The following JAZF1 variants were observed in gnomAD, a reference collection of about 807,000 sequenced individuals.
JAZF1 encodes juxtaposed with another zinc finger protein 1.
JAZF1 carries 8 observed loss-of-function variants against 26.4 expected under a neutral mutation model. The observed-to-expected ratio is 0.30, with a 90% CI of 0.18 to 0.55. The LOEUF is 0.55. JAZF1 is among the 20% of genes least tolerant of loss of function. The probability of loss-of-function intolerance (pLI) is 0.94; values close to 1 mark genes in which losing one functional copy is unlikely to be tolerated. For synonymous variants in JAZF1, 126 were observed against 122.3 expected (o/e 1.03, Z -0.20); for missense variants, 199 against 322.0 (o/e 0.62, Z 2.92).
At chr7:28,070,744 C>T (rs2127910104) in intron 1 of JAZF1, among the ~76,000 whole-genome samples, 1 of 152,316 alleles carries the variant, frequency 6.6e-6, no homozygotes, top group African/African-American at 2.4e-5. Flanking sequence ...AGTGTGAAGG[C>T]AACAGAAAGG....
At chr7:28,020,772 T>C (rs1045091862) in intron 1 of JAZF1, 7 of 459,724 alleles carry the variant, frequency 1.5e-5, no homozygotes, top group Admixed American at 2.4e-5. Flanking sequence ...TGGCTGAGCA[T>C]CTCTTCTCCA....
chr7:28,027,814 CA>C (rs1408819030), intron 1 of JAZF1, among the ~76,000 whole-genome samples: 1 of 152,186 alleles, frequency 6.6e-6, no homozygotes, highest in Non-Finnish European at 1.5e-5. Flanking sequence ...TATGTACCAT[CA>C]AAAAGTAGCT....
Position 28,096,638 on chromosome 7 carries a change from T to C in JAZF1, c.115+83825A>G, listed in dbSNP as rs113040438. Among the ~76,000 whole-genome samples, 883 of 152,362 alleles carry C rather than the reference T, an allele frequency of 5.8e-3. 3 individuals carry two copies. Among genetic ancestry groups the C allele is most frequent in the Non-Finnish European group, 9.1e-3 (620 of 68,028 alleles). On this transcript the variant is annotated intron_variant, in intron 1 of 4. Transcript: ENST00000283928. ...GCTCAAATCTGTTCTGAACAATTTATCTTCTTACTACAAGATGGCCAATAA... is the reference window on the plus strand; with the variant it reads ...GCTCAAATCTGTTCTGAACAATTTACCTTCTTACTACAAGATGGCCAATAA...
intron 1 of JAZF1, among the ~76,000 whole-genome samples, chr7:28,103,054 G>A (rs982845879): frequency 2.6e-5 from 4 of 152,146 alleles, no homozygotes; most frequent in African/African-American, 9.7e-5. Flanking sequence ...TTTTGCCCCA[G>A]TGGCAACACT....
At chr7:27,989,674 CAT>C (rs1000058820) in intron 2 of JAZF1, among the ~76,000 whole-genome samples, 1 of 152,154 alleles carries the variant, frequency 6.6e-6, no homozygotes, top group African/African-American at 2.4e-5. Flanking sequence ...CCAACAGACA[CAT>C]GAAAAAATGC....
chr7:27,975,164 C>T (rs1440719668), intron 2 of JAZF1, among the ~76,000 whole-genome samples: 2 of 152,070 alleles, frequency 1.3e-5, no homozygotes, highest in Non-Finnish European at 2.9e-5. Flanking sequence ...GGATTACAGG[C>T]GTGAGTCACC....
At chr7:28,084,227 T>C (rs1784180064) in intron 1 of JAZF1, among the ~76,000 whole-genome samples, 2 of 152,162 alleles carry the variant, frequency 1.3e-5, no homozygotes, top group African/African-American at 4.8e-5. Context: ...CCCAGTATCA[T>C]TGTGGGTTTA....
chr7:28,104,576 T>A lies in JAZF1; in HGVS notation c.115+75887A>T, dbSNP rs1000620736. Among the ~76,000 whole-genome samples, 3 of 152,250 alleles carry A rather than the reference T, an allele frequency of 2.0e-5. No individual in the cohort carries two copies. The East Asian group carries it at 5.8e-4, about 29-fold the overall frequency. On this transcript the variant is annotated intron_variant, in intron 1 of 4. Coordinates refer to ENST00000283928, the MANE Select transcript of JAZF1 (RefSeq NM_175061.4). ...ATGTGGATAGTGTTACTATTATCAC[T>A]GTTGTATTGAAGATATGTCCCAGTT... is the stretch of plus-strand genomic sequence containing the variant.
At chr7:28,119,698 C>T (rs1482473844) in intron 1 of JAZF1, among the ~76,000 whole-genome samples, 2 of 152,202 alleles carry the variant, frequency 1.3e-5, no homozygotes, top group Non-Finnish European at 2.9e-5. Context: ...CTACTACTTA[C>T]ATGACAGCCC....
At chr7:28,013,604 G>T (rs911414562) in intron 1 of JAZF1, among the ~76,000 whole-genome samples, 1 of 152,052 alleles carries the variant, frequency 6.6e-6, no homozygotes, top group Non-Finnish European at 1.5e-5. Flanking sequence ...CTAGAACCAC[G>T]GCACTGAAAT....
intron 2 of JAZF1, among the ~76,000 whole-genome samples, chr7:27,921,261 C>T (rs1784524239): frequency 6.6e-6 from 1 of 151,758 alleles, no homozygotes; most frequent in African/African-American, 2.4e-5. Context: ...GTCTGTTTAC[C>T]AGACTGCAAC....
chr7:27,846,360 T>C (rs956990746), intron 3 of JAZF1: 8 of 376,100 alleles, frequency 2.1e-5, no homozygotes, highest in South Asian at 1.7e-4. Flanking sequence ...CGTATACGTG[T>C]ACATATGTAT....
intron 2 of JAZF1, among the ~76,000 whole-genome samples, chr7:27,976,519 T>A (rs1356824504): frequency 1.3e-5 from 2 of 152,064 alleles, no homozygotes; most frequent in African/African-American, 4.8e-5. Flanking sequence ...GCCTGGTGAT[T>A]GAGACCTAAG....
At chr7:27,901,482 CAG>C (rs1443574478) in intron 2 of JAZF1, among the ~76,000 whole-genome samples, 2 of 152,180 alleles carry the variant, frequency 1.3e-5, no homozygotes, top group African/African-American at 4.8e-5. Context: ...GGAACCTGGG[CAG>C]AGACTCCATT....
intron 1 of JAZF1, among the ~76,000 whole-genome samples, chr7:28,048,730 A>T (rs1783538175): frequency 6.6e-6 from 1 of 152,222 alleles, no homozygotes; most frequent in Admixed American, 6.5e-5. Context: ...ATTATTCATA[A>T]TAGCCAAAAG....
At chr7:28,110,979 G>A (rs2127933127) in intron 1 of JAZF1, among the ~76,000 whole-genome samples, 1 of 152,238 alleles carries the variant, frequency 6.6e-6, no homozygotes, top group South Asian at 2.1e-4. Context: ...CTAGGGTGGG[G>A]GAAAATGCTT....
intron 2 of JAZF1, among the ~76,000 whole-genome samples, chr7:27,950,865 T>C (rs939089497): frequency 6.6e-6 from 1 of 152,068 alleles, no homozygotes; most frequent in South Asian, 2.1e-4. Context: ...ATCAGTGCAA[T>C]AGGCTTCTGT....
intron 1 of JAZF1, among the ~76,000 whole-genome samples, chr7:28,092,486 T>TA (rs1436578198): frequency 7.2e-6 from 1 of 139,642 alleles, no homozygotes; most frequent in Admixed American, 6.7e-5. Flanking sequence ...TAAAAGTATA[T>TA]AAAAAATTAA....
At chr7:27,960,828 A>G (rs553083681) in intron 2 of JAZF1, among the ~76,000 whole-genome samples, 1 of 152,304 alleles carries the variant, frequency 6.6e-6, no homozygotes, top group East Asian at 1.9e-4. Flanking sequence ...GTACGCAGAC[A>G]AGGAAGGAAT....
Sources: allele counts gnomAD v4.1 joint callset (sites outside exome capture counted in the v4.1 genomes callset), GRCh38; gene constraint gnomAD v4.1.1; transcripts MANE v1.5; gene names NCBI Gene and HGNC (gene_info 2026-07-23, HGNC 2026-07-21).